Variants in PDE4B observed in about 807,000 individuals in gnomAD.
PDE4B encodes phosphodiesterase 4B, also known as 3',5'-cyclic-AMP phosphodiesterase 4B.
Under a neutral mutation model 82.2 loss-of-function variants are expected in PDE4B, and 20 were observed. The ratio of observed to expected loss-of-function variants is 0.24; its 90% CI spans 0.17 to 0.35. The LOEUF is 0.35. Ranked by LOEUF, PDE4B falls within the 10% of genes least tolerant of loss-of-function variation. The probability of loss-of-function intolerance (pLI) is 1.00; values close to 1 mark genes in which losing one functional copy is unlikely to be tolerated. For missense variants in PDE4B, 655 were observed against 907.2 expected (o/e 0.72, Z 3.57); for synonymous variants, 320 against 318.9 (o/e 1.00, Z -0.04).
At chr1:65,945,383 C>T in intron 3 of PDE4B, among the ~76,000 whole-genome samples, 1 of 151,924 alleles carries the variant, frequency 6.6e-6, no homozygotes, top group Admixed American at 6.6e-5. Flanking sequence ...ATTTGGTTGT[C>T]ATATGCTTTG....
At chr1:66,208,623 G>T (rs1404892923) in intron 3 of PDE4B, among the ~76,000 whole-genome samples, 3 of 152,054 alleles carry the variant, frequency 2.0e-5, no homozygotes, top group African/African-American at 7.3e-5. Context: ...GTTATAACTG[G>T]AACCATGCAA....
chr1:66,349,580 T>C (rs1364111574), intron 8 of PDE4B, among the ~76,000 whole-genome samples: 9 of 152,196 alleles, frequency 5.9e-5, no homozygotes, highest in Admixed American at 5.9e-4. Context: ...CAATTGCATG[T>C]CCATTATTAC....
chr1:66,162,405 T>C (rs1646635772), intron 3 of PDE4B, among the ~76,000 whole-genome samples: 1 of 135,576 alleles, frequency 7.4e-6, no homozygotes. Flanking sequence ...GTCAATTCCA[T>C]ACTCCTGTGA....
intron 3 of PDE4B, among the ~76,000 whole-genome samples, chr1:66,044,384 A>G (rs1478559755): frequency 6.6e-6 from 1 of 151,738 alleles, no homozygotes; most frequent in Non-Finnish European, 1.5e-5. Context: ...GAAAGTTTCT[A>G]CATGATTGAA....
In PDE4B at chr1:66,355,568, G is replaced by C; in HGVS notation, c.789G>C (p.Glu263Asp). 6.2e-7 allele frequency: 1 copy of C among 1,613,034 alleles called. No individual in the cohort carries two copies. The highest frequency in any genetic ancestry group is 8.5e-7 in the Non-Finnish European group (1 of 1,179,190). The change falls in exon 9 of 17, where the codon GAG (glutamate) becomes GAC (aspartate). Residue 263 changes from glutamate to aspartate, a missense_variant. By Grantham distance (45) the Glu-to-Asp change is conservative. Around this residue, in one of 3 missense-constraint regions of PDE4B, gnomAD observed 283 missense variants for 516.4 expected, o/e 0.55. Coordinates refer to ENST00000341517, the MANE Select transcript of PDE4B (RefSeq NM_002600.4). ...ACCGGGAGCTGACACACCTCTCAGA[G>C]ATGAGCCGATCAGGGAACCAGGTGT... ...MLNRELTHLSEMSRSGNQVSE... is the reference protein window; with the variant it reads ...MLNRELTHLSDMSRSGNQVSE...
chr1:65,937,638 C>T (rs893132727), intron 3 of PDE4B, among the ~76,000 whole-genome samples: 1 of 152,176 alleles, frequency 6.6e-6, no homozygotes. Flanking sequence ...GTGATTCGTG[C>T]TTCAAGTACT....
intron 3 of PDE4B, among the ~76,000 whole-genome samples, chr1:66,126,507 A>T (rs1037030622): frequency 5.3e-5 from 8 of 152,220 alleles, no homozygotes; most frequent in East Asian, 1.9e-4. Flanking sequence ...GACCTAAAAT[A>T]TATATGTTTC....
At chr1:66,038,878 T>C (rs1396181721) in intron 3 of PDE4B, among the ~76,000 whole-genome samples, 2 of 152,160 alleles carry the variant, frequency 1.3e-5, no homozygotes, top group Non-Finnish European at 2.9e-5. Context: ...AATTATCTTC[T>C]ATGTTTTCTG....
chr1:66,228,595 C>G (rs567008072), intron 3 of PDE4B, among the ~76,000 whole-genome samples: 14 of 150,934 alleles, frequency 9.3e-5, no homozygotes, highest in African/African-American at 1.5e-4. Context: ...CGCCACTGCA[C>G]TCCAGCCTGG....
In PDE4B at chr1:66,361,799, T is replaced by C. The variant is rs201956732; in HGVS notation, c.1020+6T>C. The C allele has an allele frequency of 5.2e-5, 84 of 1,605,812 alleles. No individual in the cohort carries two copies. The Middle Eastern group carries it at 1.5e-3, about 29-fold the overall frequency. On this transcript the variant is annotated splice_donor_region_variant and intron_variant, in intron 10 of 16. Coordinates refer to ENST00000341517, the MANE Select transcript of PDE4B (RefSeq NM_002600.4). ...ATGAAGATCACCTGGCCAAGGTGTG[T>C]ATAAGCTCAGGTTTTGTGCATGTAG...
At position 66,269,397 on chromosome 1, in the gene PDE4B, C is replaced by T. The variant is rs17425765; in HGVS notation, c.634+3310C>T. On this transcript the variant is annotated intron_variant, in intron 7 of 16. Coordinates refer to ENST00000341517, the MANE Select transcript of PDE4B (RefSeq NM_002600.4). Reference sequence around the variant, plus strand: ...ACGCAGTAAATCCTCCTAGGGGTGTCGAAAATGCCAATGTTGTAGTTTAAT... The same window carrying T: ...ACGCAGTAAATCCTCCTAGGGGTGTTGAAAATGCCAATGTTGTAGTTTAAT... Among the ~76,000 whole-genome samples, 1,236 of 152,168 alleles carry T rather than the reference C, an allele frequency of 8.1e-3. 7 individuals are homozygous for T. The highest frequency in any genetic ancestry group is 0.012 in the Non-Finnish European group (845 of 68,004).
chr1:65,958,215 T>C (rs1160658561), intron 3 of PDE4B, among the ~76,000 whole-genome samples: 4 of 152,104 alleles, frequency 2.6e-5, no homozygotes, highest in Non-Finnish European at 5.9e-5. Flanking sequence ...TTTTAAATTA[T>C]ATTTTTCCCT....
intron 3 of PDE4B, among the ~76,000 whole-genome samples, chr1:66,100,963 T>C (rs907919662): frequency 3.3e-5 from 5 of 152,160 alleles, no homozygotes. Flanking sequence ...GCATATCTCC[T>C]AATGCTATCC....
At chr1:66,167,344 T>C (rs1005029049) in intron 3 of PDE4B, among the ~76,000 whole-genome samples, 3 of 152,170 alleles carry the variant, frequency 2.0e-5, no homozygotes, top group Admixed American at 6.5e-5. Context: ...ATGAGTACAA[T>C]AGAATTTATT....
At chr1:65,872,311 A>T (rs74083918) in intron 1 of PDE4B, among the ~76,000 whole-genome samples, 3,148 of 152,278 alleles carry the variant, frequency 0.021, 115 homozygotes, top group East Asian at 0.13. Context: ...ATAATTGTTA[A>T]TAATTAATGA....
chr1:66,109,565 G>T (rs1645439747), intron 3 of PDE4B, among the ~76,000 whole-genome samples: 1 of 151,778 alleles, frequency 6.6e-6, no homozygotes, highest in South Asian at 2.1e-4. Context: ...TAGAGCATTT[G>T]TTAATTTCAT....
At chr1:66,071,178 C>T (rs903270035) in intron 3 of PDE4B, among the ~76,000 whole-genome samples, 1 of 152,026 alleles carries the variant, frequency 6.6e-6, no homozygotes, top group African/African-American at 2.4e-5. Context: ...TAAAAGCAGG[C>T]TCACTTTTTC....
At chr1:66,033,926 A>G (rs1201934421) in intron 3 of PDE4B, among the ~76,000 whole-genome samples, 1 of 152,186 alleles carries the variant, frequency 6.6e-6, no homozygotes, top group African/African-American at 2.4e-5. Flanking sequence ...CACCTACTCC[A>G]TTGAATGACA....
At chr1:66,338,884 T>G (rs1215613455) in intron 8 of PDE4B, among the ~76,000 whole-genome samples, 1 of 151,272 alleles carries the variant, frequency 6.6e-6, no homozygotes, top group Non-Finnish European at 1.5e-5. Context: ...CCGGGCGTAG[T>G]GGCGGGCGCC....
Sources: allele counts gnomAD v4.1 joint callset (sites outside exome capture counted in the v4.1 genomes callset), GRCh38; gene constraint gnomAD v4.1.1; regional missense constraint gnomAD v4.1.1; transcripts MANE v1.5; gene names NCBI Gene and HGNC (gene_info 2026-07-23, HGNC 2026-07-21).